CALHM4: variants seen among roughly 807,000 people sequenced by gnomAD.
CALHM4 encodes calcium homeostasis modulator protein 4.
In CALHM4, 16 loss-of-function variants were observed where a neutral mutation model predicts 13.3. That is an observed-to-expected ratio of 1.20 (90% CI 0.81 to 1.82). The LOEUF (loss-of-function observed/expected upper bound fraction) is 1.82. Ranked by LOEUF, CALHM4 falls within the 40% of genes most tolerant of loss-of-function variation. CALHM4 has a pLI of 0.00. For missense variants in CALHM4, 344 were observed against 374.9 expected, an observed-to-expected ratio of 0.92 and a Z score of 0.68; for synonymous variants, 127 against 137.1, an observed-to-expected ratio of 0.93 and a Z score of 0.52.
upstream of CALHM4, among the ~76,000 whole-genome samples, chr6:116,550,588 GA>G (rs146967219): frequency 3.9e-3 from 597 of 152,140 alleles, 3 homozygotes; most frequent in African/African-American, 0.014. Context: ...TTTTTGTTGT[GA>G]TTATTGATGT....
chr6:116,530,868 A>T (rs1269217854), intron 1 of CALHM4, among the ~76,000 whole-genome samples: 1 of 141,270 alleles, frequency 7.1e-6, no homozygotes, highest in Non-Finnish European at 1.5e-5. Context: ...AACATAAATA[A>T]TGTGAGCAGA....
chr6:116,554,431 G>C, intron 1 of CALHM4, 80 bp downstream of exon 1: 1 of 1,182,208 alleles, frequency 8.5e-7, no homozygotes. Flanking sequence ...GATTCCTACT[G>C]CTTCTTATAT....
chr6:116,532,275 C>A (rs1413128038), intron 1 of CALHM4, among the ~76,000 whole-genome samples: 1 of 151,772 alleles, frequency 6.6e-6, no homozygotes, highest in Non-Finnish European at 1.5e-5. Context: ...CTTTTTTTTC[C>A]TTTTTCTGGA....
At chr6:116,537,409 A>G (rs376200624) in intron 1 of CALHM4, among the ~76,000 whole-genome samples, 1 of 152,172 alleles carries the variant, frequency 6.6e-6, no homozygotes, top group Non-Finnish European at 1.5e-5. Context: ...TTTCGTTAGA[A>G]TCTTCTTTAC....
In CALHM4 at chr6:116,558,086, G is replaced by A. The variant is rs1774420671; in HGVS notation, c.820G>A (p.Asp274Asn). ...CATTCCTTCTTGTCAGGACTGGAAA[G>A]ATATTTCAGTACCCACTCTTTTATG... is the stretch of plus-strand genomic sequence containing the variant. Reference protein sequence around the residue: ...IRIPSCQDWKDISVPTLLCMG... With the variant: ...IRIPSCQDWKNISVPTLLCMG... Residue 274 changes from aspartate (D) to asparagine (N), a missense_variant, in exon 2 of 2, where the codon GAT (aspartate) becomes AAT (asparagine). Asp to Asn is a conservative substitution (Grantham distance 23, BLOSUM62 1). Coordinates refer to ENST00000368596, the MANE Select transcript of CALHM4 (RefSeq NM_001366078.2). 1 of 1,614,174 alleles carries A rather than the reference G, an allele frequency of 6.2e-7. No homozygotes were observed. Among genetic ancestry groups the A allele is most frequent in the Non-Finnish European group, 8.5e-7 (1 of 1,180,018 alleles).
intron 1 of CALHM4, among the ~76,000 whole-genome samples, chr6:116,555,147 G>A (rs780773650): frequency 4.6e-5 from 7 of 152,206 alleles, no homozygotes; most frequent in East Asian, 1.9e-4. Context: ...AAGTTATTTC[G>A]TTGGGAAAAG....
chr6:116,557,354 T>C (rs1457853626), intron 1 of CALHM4, among the ~76,000 whole-genome samples: 2 of 152,228 alleles, frequency 1.3e-5, no homozygotes, highest in African/African-American at 4.8e-5. Context: ...CACCTGTTGG[T>C]ACATCATTGA....
At chr6:116,552,645 A>G (rs1192321236), upstream of CALHM4, among the ~76,000 whole-genome samples, 2 of 152,236 alleles carry the variant, frequency 1.3e-5, no homozygotes, top group East Asian at 3.8e-4. Flanking sequence ...GAAAATGTAT[A>G]TCATATTCAC....
At chr6:116,555,936 T>C (rs897196138) in intron 1 of CALHM4, among the ~76,000 whole-genome samples, 2 of 152,230 alleles carry the variant, frequency 1.3e-5, no homozygotes, top group African/African-American at 2.4e-5. Flanking sequence ...CCCTACTGCA[T>C]ATAAAGCCCT....
chr6:116,545,675 G>C, intron 2 of CALHM4: 1 of 491,492 alleles, frequency 2.0e-6, no homozygotes, highest in Non-Finnish European at 3.5e-6. Context: ...TCTTTGCTGA[G>C]CTGAAGAGGG....
In CALHM4 at chr6:116,540,231, A is replaced by G. The variant is rs1773354003; in HGVS notation, c.-108-3534A>G. On this transcript the variant is annotated intron_variant, in intron 1 of 2. Coordinates refer to the CALHM4 transcript ENST00000368597. ...CTGTGCTGAAATAAAATGCTTTTCAATCAGAATCTCCTTTCTCAGCACCTA... is the reference window on the plus strand; with the variant it reads ...CTGTGCTGAAATAAAATGCTTTTCAGTCAGAATCTCCTTTCTCAGCACCTA... 4 of 828,518 alleles carry G rather than the reference A, an allele frequency of 4.8e-6. No homozygotes were observed. In the African/African-American group the frequency reaches 5.2e-5, roughly 11 times the overall value. The allele number at this position is 828,518 out of a possible 1,614,324, so 51.3% of individuals were successfully genotyped here.
chr6:116,533,371 A>G (rs1772860781), intron 1 of CALHM4, among the ~76,000 whole-genome samples: 1 of 152,224 alleles, frequency 6.6e-6, no homozygotes, highest in Non-Finnish European at 1.5e-5. Flanking sequence ...CACACTGAAA[A>G]TTGTGCTCTT....
chr6:116,531,951 CAAGTTGAGTTCGCTGTCATTATTT>C (rs1307653403), intron 1 of CALHM4, among the ~76,000 whole-genome samples: 3 of 150,338 alleles, frequency 2.0e-5, no homozygotes, highest in Non-Finnish European at 4.4e-5. Flanking sequence ...ATAAAATTAC[CAAGTTGAGTTCGCTGTCATTATTT>C]AATAAGAATC....
intron 1 of CALHM4, among the ~76,000 whole-genome samples, chr6:116,538,938 C>G (rs1438025098): frequency 6.6e-6 from 1 of 152,010 alleles, no homozygotes; most frequent in Non-Finnish European, 1.5e-5. Context: ...ACCATGTTGG[C>G]CAGGCTGGTC....
chr6:116,537,184 CAAGA>C (rs2115220053), intron 1 of CALHM4, among the ~76,000 whole-genome samples: 1 of 152,230 alleles, frequency 6.6e-6, no homozygotes, highest in South Asian at 2.1e-4. Flanking sequence ...TCCTCATTGA[CAAGA>C]AAGAATCTTG....
intron 1 of CALHM4, among the ~76,000 whole-genome samples, chr6:116,532,232 A>C (rs1772772724): frequency 6.6e-6 from 1 of 151,378 alleles, no homozygotes; most frequent in African/African-American, 2.4e-5. Context: ...TGTAGATGTG[A>C]AAAGTTCTTC....
rs1774404609 is a variant in CALHM4 at position 116,557,929 on chromosome 6, G to T, written c.663G>T (p.Trp221Cys). 6.2e-7 allele frequency: 1 copy of T among 1,613,960 alleles called. No homozygotes were observed. The highest frequency in any genetic ancestry group is 1.3e-5 in the African/African-American group (1 of 74,872). The change falls in exon 2 of 2, where the codon TGG (tryptophan) becomes TGT (cysteine). Residue 221 changes from tryptophan to cysteine, a missense_variant. Trp to Cys is a radical substitution (Grantham distance 215). Coordinates refer to ENST00000368596, the MANE Select transcript of CALHM4 (RefSeq NM_001366078.2). Reference protein sequence around the residue: ...SPLTSLQHCYWTSHLQNEREL... With the variant: ...SPLTSLQHCYCTSHLQNEREL... ...TCACCTCTCTGCAACATTGCTACTG[G>T]ACCAGCCACCTCCAGAATGAGAGAG...
intron 1 of CALHM4, among the ~76,000 whole-genome samples, chr6:116,533,331 A>G (rs930264909): frequency 6.6e-6 from 1 of 152,262 alleles, no homozygotes; most frequent in Non-Finnish European, 1.5e-5. Flanking sequence ...AGTATTTAAC[A>G]AAAAGTCTTT....
intron 1 of CALHM4, among the ~76,000 whole-genome samples, chr6:116,540,635 A>G (rs939544882): frequency 5.9e-5 from 9 of 152,150 alleles, no homozygotes; most frequent in East Asian, 1.9e-4. Context: ...CCCACAGACC[A>G]CAAAGCAGAG....
Sources: allele counts gnomAD v4.1 joint callset (sites outside exome capture counted in the v4.1 genomes callset), GRCh38; gene constraint gnomAD v4.1.1; transcripts MANE v1.5; gene names NCBI Gene and HGNC (gene_info 2026-07-23, HGNC 2026-07-21).